The following RASA3 variants were observed in gnomAD, a reference collection of about 807,000 sequenced individuals.
RASA3 encodes RAS p21 protein activator 3, also known as ras GTPase-activating protein 3.
RASA3 carries 73 observed loss-of-function variants against 110.0 expected under a neutral mutation model. The observed-to-expected ratio is 0.66, with a 90% CI of 0.55 to 0.81. The LOEUF is 0.81. RASA3 is among the 30% of genes least tolerant of loss of function. The probability of loss-of-function intolerance (pLI) is 0.00; values close to 1 mark genes in which losing one functional copy is unlikely to be tolerated. For synonymous variants in RASA3, 500 were observed against 451.4 expected (o/e 1.11, Z -1.37); for missense variants, 976 against 1,113.2 (o/e 0.88, Z 1.75).
chr13:113,996,860 C>G (rs1310569091), intron 20 of RASA3, 121 bp from the exon 21 acceptor site: 2 of 870,024 alleles, frequency 2.3e-6, no homozygotes, highest in Admixed American at 2.1e-5. Flanking sequence ...TGAGGGTGCA[C>G]AGGCCCAAAA....
chr13:114,030,375 G>GGGCAAGACTCACACAGGA (rs759925601), intron 4 of RASA3, among the ~76,000 whole-genome samples: 18 of 147,896 alleles, frequency 1.2e-4, no homozygotes, highest in African/African-American at 2.5e-5. Context: ...CTCACACAGA[G>GGGCAAGACTCACACAGGA]GGCAAGACTC....
chr13:114,055,241 G>T (rs908243600), intron 2 of RASA3, among the ~76,000 whole-genome samples: 3 of 152,248 alleles, frequency 2.0e-5, no homozygotes, highest in African/African-American at 7.2e-5. Flanking sequence ...ATGTTCATGC[G>T]TGCATGCATG....
chr13:114,000,804 G>A (rs776725568), intron 19 of RASA3, 22 bp downstream of exon 19: 2 of 1,553,672 alleles, frequency 1.3e-6, no homozygotes, highest in Non-Finnish European at 1.8e-6. Context: ...CAAGAGCCAG[G>A]GAAAGCGACC....
intron 18 of RASA3, among the ~76,000 whole-genome samples, chr13:114,005,264 G>A (rs1362380787): frequency 1.3e-5 from 2 of 152,204 alleles, no homozygotes; most frequent in Non-Finnish European, 2.9e-5. Context: ...AAAAAATACA[G>A]GAACATGGTC....
chr13:114,050,667 G>A (rs1188960021), intron 3 of RASA3, among the ~76,000 whole-genome samples: 2 of 152,268 alleles, frequency 1.3e-5, no homozygotes, highest in African/African-American at 4.8e-5. Context: ...TCTCATCTCT[G>A]TCAGGGGACT....
intron 9 of RASA3, 22 bp from the exon 10 acceptor site, chr13:114,018,941 A>T: frequency 6.2e-7 from 1 of 1,612,646 alleles, no homozygotes; most frequent in Non-Finnish European, 8.5e-7. Flanking sequence ...GGACACATGG[A>T]GGGGAGGCAT....
rs1418698232 is a variant in RASA3, at chr13:114,096,309, C to T, written c.56-22472G>A. On this transcript the variant is annotated intron_variant, in intron 1 of 23. Transcript: ENST00000334062. The surrounding 1 kb of genome is among the most constrained non-coding windows in gnomAD (Gnocchi z 5.1). ...TCGGGTCTGAGAGCTGCTCACCGAC[C>T]CATGCCTCCTCTAGCAAATCGCCTC... 1.3e-5 allele frequency among the ~76,000 whole-genome samples: 2 copies of T among 152,314 alleles called. No individual in the cohort carries two copies. Among genetic ancestry groups the T allele is most frequent in the East Asian group, 3.9e-4 (2 of 5,180 alleles).
rs752771669 is a variant in RASA3 at position 114,011,153 on chromosome 13, T to C, written c.1590+18A>G. On this transcript the variant is annotated intron_variant, in intron 16 of 23. Coordinates refer to ENST00000334062, the MANE Select transcript of RASA3 (RefSeq NM_007368.4). The surrounding 1 kb of genome is among the most constrained non-coding windows in gnomAD (Gnocchi z 4.8). Reference sequence around the variant, plus strand: ...ATCAGTTGTCCCTAAAAAGAGAAAATGAAGAAGAGGGACTCACAGATTTGG... The same window carrying C: ...ATCAGTTGTCCCTAAAAAGAGAAAACGAAGAAGAGGGACTCACAGATTTGG... 6.3e-7 allele frequency: 1 copy of C among 1,590,780 alleles called. No individual in the cohort carries two copies. The highest frequency in any genetic ancestry group is 8.6e-7 in the Non-Finnish European group (1 of 1,160,330).
At chr13:114,055,406 C>G (rs2079227390) in intron 2 of RASA3, among the ~76,000 whole-genome samples, 1 of 152,212 alleles carries the variant, frequency 6.6e-6, no homozygotes, top group African/African-American at 2.4e-5. Context: ...CGCACACTCC[C>G]CAGGCAGCGC....
chr13:114,021,633 C>G, intron 8 of RASA3, 125 bp from the exon 9 acceptor site: 1 of 717,278 alleles, frequency 1.4e-6, no homozygotes. Flanking sequence ...GAGTCTCCAT[C>G]AAGGCTCAGC....
At chr13:114,058,447 G>T (rs2079282423) in intron 2 of RASA3, among the ~76,000 whole-genome samples, 1 of 152,234 alleles carries the variant, frequency 6.6e-6, no homozygotes, top group South Asian at 2.1e-4. Flanking sequence ...GTGACTTGTG[G>T]TCACCAGACC....
At chr13:114,023,589 A>G (rs2053971649) in intron 8 of RASA3, among the ~76,000 whole-genome samples, 1 of 152,250 alleles carries the variant, frequency 6.6e-6, no homozygotes. Flanking sequence ...TGAAGGGCAC[A>G]TTCTGACGCC....
chr13:114,041,556 A>G (rs563671966), intron 3 of RASA3, among the ~76,000 whole-genome samples: 63 of 152,360 alleles, frequency 4.1e-4, no homozygotes, highest in Non-Finnish European at 8.2e-4. Flanking sequence ...TGGCTGCACC[A>G]GAGCTCTGAT....
intron 2 of RASA3, among the ~76,000 whole-genome samples, chr13:114,053,207 T>G (rs1267904779): frequency 1.3e-5 from 2 of 152,268 alleles, no homozygotes; most frequent in Non-Finnish European, 2.9e-5. Flanking sequence ...CGCTGCTGAC[T>G]GTGCTTACAG....
rs575973952 is a variant in RASA3, at chr13:114,094,581, G to T, written c.56-20744C>A. Among the ~76,000 whole-genome samples the T allele has an allele frequency of 5.9e-5, 9 of 152,146 alleles. No homozygotes were observed. In the East Asian group the frequency reaches 1.7e-3, roughly 29 times the overall value. The stretch of plus-strand genomic sequence containing the variant: ...TACACTTTAAAATTCTTAAAATGCT[G>T]AATTTCATGTTATGTGTATTTTGCA... On this transcript the variant is annotated intron_variant, in intron 1 of 23. Coordinates refer to ENST00000334062, the MANE Select transcript of RASA3 (RefSeq NM_007368.4).
Position 114,018,220 on chromosome 13 carries a change from G to T in RASA3, c.975C>A (p.Gly325=). Residue 325 remains glycine, a synonymous_variant, in exon 11 of 24, where the codon GGC becomes GGA. Transcript: ENST00000334062. ...PVSASAAHIL[G]EVCREKQEAA... ...CCTCCTGCTTCTCCCGGCAAACCTC[G>T]CCCAGGATGTGGGCCGCAGACGCTG... is the stretch of plus-strand genomic sequence containing the variant. The T allele has an allele frequency of 6.4e-7, 1 of 1,553,892 alleles. No individual in the cohort carries two copies. Among genetic ancestry groups the T allele is most frequent in the Non-Finnish European group, 8.7e-7 (1 of 1,149,072 alleles).
chr13:114,018,104 T>C lies in RASA3; in HGVS notation c.1091A>G (p.Gln364Arg). The C allele has an allele frequency of 6.5e-7, 1 of 1,534,748 alleles. No individual in the cohort carries two copies. The part of the protein sequence containing the change: ...AIASAEVKRT[Q>R]DPNTIFRGNS... ...CCCCCGGGGCAGGGTGGGCACTCAC[T>C]GGGTCCGCTTCACCTCCGCGCTGGC... Residue 364 changes from glutamine to arginine, a missense_variant and splice_region_variant, in exon 11 of 24, where the codon CAG (glutamine) becomes CGG (arginine). Physicochemically the swap from Gln to Arg is conservative, Grantham distance 43. Transcript: ENST00000334062.
intron 3 of RASA3, among the ~76,000 whole-genome samples, chr13:114,044,791 G>A (rs1290906318): frequency 6.6e-6 from 1 of 151,950 alleles, no homozygotes; most frequent in African/African-American, 2.4e-5. Flanking sequence ...CAGCTGGACA[G>A]GAGGGTCAGT....
chr13:114,100,614 G>C (rs555234286), intron 1 of RASA3, among the ~76,000 whole-genome samples: 6 of 152,220 alleles, frequency 3.9e-5, no homozygotes, highest in African/African-American at 1.4e-4. Flanking sequence ...GGAAGAAGGC[G>C]GCTGACGTGG....
Sources: allele counts gnomAD v4.1 joint callset (sites outside exome capture counted in the v4.1 genomes callset), GRCh38; gene constraint gnomAD v4.1.1; non-coding constraint Gnocchi (gnomAD v3.1); transcripts MANE v1.5; gene names NCBI Gene and HGNC (gene_info 2026-07-23, HGNC 2026-07-21).